The following BPTF variants were observed in gnomAD, a reference collection of about 807,000 sequenced individuals.
BPTF encodes the protein nucleosome-remodeling factor subunit BPTF.
Under a neutral mutation model 292.5 loss-of-function variants are expected in BPTF, and 18 were observed. The ratio of observed to expected loss-of-function variants is 0.06; its 90% CI spans 0.04 to 0.09. The LOEUF is 0.09. Ranked by LOEUF, BPTF falls within the 10% of genes least tolerant of loss-of-function variation. BPTF has a pLI of 1.00. For synonymous variants in BPTF, 1,225 were observed against 1,251.9 expected (o/e 0.98, Z 0.45); for missense variants, 2,726 against 3,498.7 (o/e 0.78, Z 5.57).
intron 5 of BPTF, 86 bp downstream of exon 5, chr17:67,892,120 G>C: frequency 1.1e-6 from 1 of 941,722 alleles, no homozygotes; most frequent in Non-Finnish European, 1.5e-6. Flanking sequence ...CTGGAAATTT[G>C]TAGAAATTTG....
intron 1 of BPTF, among the ~76,000 whole-genome samples, chr17:67,844,070 CTTTTTTTT>C (rs35407119): frequency 2.1e-5 from 2 of 94,354 alleles, no homozygotes; most frequent in African/African-American, 7.4e-5. Context: ...CGGCCCCCGC[CTTTTTTTT>C]TTTTTTTTTT....
intron 3 of BPTF, 90 bp downstream of exon 3, chr17:67,866,777 A>G (rs775552532): frequency 5.0e-6 from 5 of 1,006,692 alleles, no homozygotes; most frequent in Non-Finnish European, 7.5e-6. Flanking sequence ...ATAGATTAAA[A>G]TTTTCAAGTA....
At chr17:67,857,148 A>ATTTTTTTTT (rs35727338) in intron 2 of BPTF, among the ~76,000 whole-genome samples, 3 of 97,638 alleles carry the variant, frequency 3.1e-5, no homozygotes, top group East Asian at 4.2e-4. Context: ...GTCTTTAACA[A>ATTTTTTTTT]TTTTTTTTTT....
chr17:67,913,282 A>AT, intron 11 of BPTF, 95 bp downstream of exon 11: 1 of 1,457,572 alleles, frequency 6.9e-7, no homozygotes, highest in South Asian at 1.4e-5. Context: ...GATAATAGAG[A>AT]TAAGACAGGA....
intron 3 of BPTF, among the ~76,000 whole-genome samples, chr17:67,873,153 A>G (rs569956271): frequency 1.4e-4 from 21 of 152,290 alleles, no homozygotes; most frequent in African/African-American, 4.3e-4. Context: ...CTGTGGATAT[A>G]CATGGTATTA....
Position 67,910,858 on chromosome 17 carries a change from A to AT in BPTF, c.2993-19_2993-18insT. On this transcript the variant is annotated intron_variant, in intron 10 of 27. Coordinates refer to ENST00000306378, the MANE Select transcript of BPTF (RefSeq NM_182641.4). ...TTCAGAGTAAAAATTACATTTATAT[A>AT]AATGTCTTTGTTTCACAGATGTGAA... is the stretch of plus-strand genomic sequence containing the variant. The AT allele has an allele frequency of 2.6e-6, 4 of 1,517,464 alleles. No individual in the cohort carries two copies. The Admixed American group carries it at 6.8e-5, about 26-fold the overall frequency. 94.0% of individuals were successfully genotyped at this position (1,517,464 alleles called of 1,614,324 possible). A position where few individuals can be genotyped will look rare whatever the true frequency, so the allele number is the denominator to read the frequency against.
rs751039972 is a variant in BPTF at position 67,826,150 on chromosome 17, C to CGAGGAGGAG, written c.438_446dup (p.Glu146_Glu148dup). 10 of 1,497,784 alleles carry CGAGGAGGAG rather than the reference C, an allele frequency of 6.7e-6. No homozygotes were observed. The East Asian group carries it at 1.1e-4, about 17-fold the overall frequency. The allele number at this position is 1,497,784 out of a possible 1,614,324, so 92.8% of individuals were successfully genotyped here. A position where few individuals can be genotyped will look rare whatever the true frequency, so the allele number is the denominator to read the frequency against. Reference sequence around the variant, plus strand: ...AGGAGGAAGAGGAGGACATGGTCTCCGAGGAGGAGGAGGAGGAGGACGGCG... The same window carrying CGAGGAGGAG: ...AGGAGGAAGAGGAGGACATGGTCTCCGAGGAGGAGGAGGAGGAGGAGGAGGAGGACGGCG... On this transcript the variant is annotated inframe_insertion, in exon 1 of 28. Transcript: ENST00000306378.
At chr17:67,981,717 A>G (rs1333315824) in intron 27 of BPTF, 1 of 985,004 alleles carries the variant, frequency 1.0e-6, no homozygotes, top group Non-Finnish European at 1.2e-6. Context: ...CTGTACAGTA[A>G]TTTGGTTTAC....
chr17:67,967,626 G>A (rs141831686), intron 26 of BPTF, among the ~76,000 whole-genome samples: 1,709 of 152,066 alleles, frequency 0.011, 27 homozygotes, highest in African/African-American at 0.039. Flanking sequence ...TTCGAGACCA[G>A]CCTGGCCAAC....
intron 1 of BPTF, among the ~76,000 whole-genome samples, chr17:67,843,754 C>CTTTTTTTTTTTTTTTTTTTTTTTT (rs56335701): frequency 3.2e-5 from 2 of 62,274 alleles, no homozygotes; most frequent in Admixed American, 1.7e-4. Flanking sequence ...GAGCAGTTGT[C>CTTTTTTTTTTTTTTTTTTTTTTTT]TTTTTTTTTT....
intron 26 of BPTF, among the ~76,000 whole-genome samples, chr17:67,972,245 A>AT (rs1180263395): frequency 1.5e-4 from 22 of 146,302 alleles, no homozygotes; most frequent in East Asian, 1.4e-3. Flanking sequence ...TTATTATTTT[A>AT]TTTTTTTTGA....
At chr17:67,866,789 A>G (rs1456614674) in intron 3 of BPTF, 102 bp downstream of exon 3, 11 of 827,970 alleles carry the variant, frequency 1.3e-5, no homozygotes, top group Non-Finnish European at 2.1e-5. Flanking sequence ...TTTCAAGTAC[A>G]GTCGTGCATT....
intron 2 of BPTF, among the ~76,000 whole-genome samples, chr17:67,858,803 T>G (rs1371878260): frequency 2.4e-4 from 36 of 152,184 alleles, no homozygotes; most frequent in African/African-American, 6.3e-4. Context: ...GTGCCTTCCT[T>G]TCTGTGCTGC....
intron 1 of BPTF, among the ~76,000 whole-genome samples, chr17:67,839,517 CCTA>C (rs2057392767): frequency 6.6e-6 from 1 of 152,106 alleles, no homozygotes; most frequent in South Asian, 2.1e-4. Context: ...CTCTCTTGAT[CCTA>C]CTTTTTCATG....
chr17:67,922,716 C>T, intron 13 of BPTF, 124 bp from the exon 14 acceptor site: 1 of 1,028,462 alleles, frequency 9.7e-7, no homozygotes, highest in Non-Finnish European at 1.4e-6. Context: ...AGCTGAGTAG[C>T]TGCAGCAGAG....
intron 26 of BPTF, among the ~76,000 whole-genome samples, chr17:67,971,409 C>T (rs1419801005): frequency 6.6e-6 from 1 of 151,826 alleles, no homozygotes; most frequent in Non-Finnish European, 1.5e-5. Flanking sequence ...AAACAATGTC[C>T]AGGCCAGGCA....
intron 1 of BPTF, among the ~76,000 whole-genome samples, chr17:67,832,212 T>G (rs2056755381): frequency 1.3e-5 from 2 of 152,034 alleles, no homozygotes; most frequent in South Asian, 4.1e-4. Flanking sequence ...TGCTTTTGGT[T>G]TTTTAAAATG....
At chr17:67,978,306 A>ATT (rs374442857) in intron 27 of BPTF, among the ~76,000 whole-genome samples, 69 of 141,640 alleles carry the variant, frequency 4.9e-4, no homozygotes, top group East Asian at 1.8e-3. Flanking sequence ...ATATATATAT[A>ATT]TATTTTTTTT....
chr17:67,891,575 T>C (rs1295697069), intron 4 of BPTF: 1 of 274,670 alleles, frequency 3.6e-6, no homozygotes, highest in Non-Finnish European at 6.7e-6. Context: ...CTCTTCCTGT[T>C]TTCAAACAGA....
Sources: gnomAD v4.1 joint callset for allele counts (sites outside exome capture counted in the v4.1 genomes callset) on GRCh38, gnomAD v4.1.1 for gene constraint, MANE v1.5 for transcripts, NCBI Gene and HGNC (gene_info 2026-07-23, HGNC 2026-07-21) for gene names.